The following CGGBP1 variants were observed in gnomAD, a reference collection of about 807,000 sequenced individuals.
CGGBP1 encodes CGG triplet repeat-binding protein 1.
Under a neutral mutation model 11.4 loss-of-function variants are expected in CGGBP1, and 4 were observed. That is an observed-to-expected ratio of 0.35 (90% confidence interval 0.17 to 0.80). CGGBP1 has a LOEUF of 0.80. Among genes scored for constraint, CGGBP1 ranks in the 30% least tolerant of loss-of-function variants. CGGBP1 has a pLI of 0.52. For synonymous variants in CGGBP1, 76 were observed against 74.1 expected (o/e 1.03, Z -0.13); for missense variants, 135 against 202.1 (o/e 0.67, Z 2.01).
chr3:88,057,564 T>C (rs1033834047), intron 2 of CGGBP1: 2 of 152,198 alleles, frequency 1.3e-5, no homozygotes. Context: ...TATAACCTAG[T>C]TGTGGTAAAT....
intron 2 of CGGBP1, among the ~76,000 whole-genome samples, chr3:88,077,723 AT>A (rs1344087836): frequency 6.6e-6 from 1 of 152,238 alleles, no homozygotes; most frequent in African/African-American, 2.4e-5. Flanking sequence ...ACAGAATGCA[AT>A]TTAACAGAAT....
At chr3:88,141,617 G>T (rs1707138244) in intron 1 of CGGBP1, 1 of 1,450,182 alleles carries the variant, frequency 6.9e-7, no homozygotes, top group Non-Finnish European at 9.3e-7. Flanking sequence ...AATAAAACTT[G>T]CATTAACAGA....
chr3:88,067,782 A>G (rs1707283636), intron 2 of CGGBP1, among the ~76,000 whole-genome samples: 1 of 152,122 alleles, frequency 6.6e-6, no homozygotes, highest in Non-Finnish European at 1.5e-5. Flanking sequence ...CAAGAGTGGG[A>G]GGTGAAGGAA....
At chr3:88,092,272 A>T (rs905482174) in intron 2 of CGGBP1, among the ~76,000 whole-genome samples, 4 of 152,218 alleles carry the variant, frequency 2.6e-5, no homozygotes, top group African/African-American at 9.6e-5. Flanking sequence ...TTGGTCATTT[A>T]TTCTGTAAAG....
At chr3:88,117,731 A>C (rs1705496745) in intron 2 of CGGBP1, among the ~76,000 whole-genome samples, 1 of 152,178 alleles carries the variant, frequency 6.6e-6, no homozygotes, top group Non-Finnish European at 1.5e-5. Context: ...CTAGGATCTC[A>C]GATTATGGTA....
intron 2 of CGGBP1, among the ~76,000 whole-genome samples, chr3:88,084,931 A>T (rs1171092991): frequency 6.6e-6 from 1 of 152,198 alleles, no homozygotes; most frequent in Non-Finnish European, 1.5e-5. Flanking sequence ...CTACAAGCAC[A>T]TCTGCCTGAC....
At chr3:88,111,102 G>A (rs1001648594) in intron 2 of CGGBP1, among the ~76,000 whole-genome samples, 2 of 151,974 alleles carry the variant, frequency 1.3e-5, no homozygotes, top group African/African-American at 2.4e-5. Flanking sequence ...TGGATTTTGA[G>A]TAAGTATGGA....
chr3:88,097,218 T>C lies in CGGBP1; in HGVS notation c.-228-38995A>G, dbSNP rs552886223. On this transcript the variant is annotated intron_variant, in intron 2 of 3. Coordinates refer to the CGGBP1 transcript ENST00000462901. ...TTAATTGCTAGATCAAAGAGTGTAA[T>C]TTATCACTTATCACACATTTATACA... Among the ~76,000 whole-genome samples, 88 of 152,126 alleles carry C rather than the reference T, an allele frequency of 5.8e-4. 1 individual carries two copies. The highest frequency in any genetic ancestry group is 4.4e-4 in the Non-Finnish European group (30 of 68,012).
intron 1 of CGGBP1, among the ~76,000 whole-genome samples, chr3:88,145,587 G>A (rs945085910): frequency 8.6e-5 from 13 of 152,014 alleles, no homozygotes; most frequent in Non-Finnish European, 1.8e-4. Context: ...TACTAAATAG[G>A]CTTCCAAGAT....
intron 2 of CGGBP1, among the ~76,000 whole-genome samples, chr3:88,123,127 G>T (rs1472365190): frequency 3.3e-5 from 5 of 152,050 alleles, no homozygotes; most frequent in Admixed American, 6.6e-5. Context: ...TCACTTCGAG[G>T]TTTTAAATTG....
rs909195013 is a variant in CGGBP1, at chr3:88,053,273, G to A, written c.*2200C>T. ...CTTTAGACACAGTTAACTAGCTTCA[G>A]GGAACAAAAGTTCCATAATCAATGA... On this transcript the variant is annotated 3_prime_UTR_variant, in exon 4 of 4. Coordinates refer to ENST00000482016, the MANE Select transcript of CGGBP1 (RefSeq NM_001008390.2). 6.6e-6 allele frequency: 1 copy of A among 151,958 alleles called. No homozygotes were observed. The highest frequency in any genetic ancestry group is 2.4e-5 in the African/African-American group (1 of 41,370). 9.4% of individuals were successfully genotyped at this position (151,958 alleles called of 1,614,324 possible). A position where few individuals can be genotyped will look rare whatever the true frequency, so the allele number is the denominator to read the frequency against.
intron 2 of CGGBP1, among the ~76,000 whole-genome samples, chr3:88,124,772 GT>G (rs11287888): frequency 0.78 from 114,589 of 147,048 alleles, 45,175 homozygotes; most frequent in South Asian, 0.9. Context: ...ACAATACTCA[GT>G]TTTTTTTTTT....
intron 1 of CGGBP1, among the ~76,000 whole-genome samples, chr3:88,148,788 C>G (rs1328401512): frequency 1.3e-5 from 2 of 152,058 alleles, no homozygotes; most frequent in Non-Finnish European, 2.9e-5. Context: ...TACAGGCGTC[C>G]GCCACCATGC....
intron 2 of CGGBP1, chr3:88,140,586 A>G: frequency 6.2e-7 from 1 of 1,613,788 alleles, no homozygotes; most frequent in South Asian, 1.1e-5. Context: ...TAATTGTAGT[A>G]GTAGTGATAT....
At chr3:88,086,753 A>T (rs890606508) in intron 2 of CGGBP1, among the ~76,000 whole-genome samples, 1 of 152,156 alleles carries the variant, frequency 6.6e-6, no homozygotes. Flanking sequence ...CAGGTCAGAA[A>T]GAGGTTAGGA....
intron 2 of CGGBP1, among the ~76,000 whole-genome samples, chr3:88,119,037 A>G (rs560703355): frequency 1.3e-5 from 2 of 149,806 alleles, no homozygotes; most frequent in African/African-American, 2.5e-5. Context: ...ATTACTGGGT[A>G]TATACCCAAA....
intron 1 of CGGBP1, among the ~76,000 whole-genome samples, chr3:88,144,872 A>C (rs1250065205): frequency 1.3e-5 from 2 of 152,010 alleles, no homozygotes; most frequent in East Asian, 1.9e-4. Flanking sequence ...TGGACATTTT[A>C]ACGAATGCCT....
chr3:88,137,194 CAAAAAAAAA>C (rs11401199), intron 2 of CGGBP1, among the ~76,000 whole-genome samples: 1 of 70,724 alleles, frequency 1.4e-5, no homozygotes, highest in Non-Finnish European at 2.3e-5. Context: ...GACTCTGTCT[CAAAAAAAAA>C]AAAAAAAAAA....
chr3:88,091,157 C>T (rs1178060692), intron 2 of CGGBP1, among the ~76,000 whole-genome samples: 1 of 152,154 alleles, frequency 6.6e-6, no homozygotes, highest in Admixed American at 6.5e-5. Context: ...GACAAAATCA[C>T]CTAATGATGC....
Sources: gnomAD v4.1 joint callset for allele counts (sites outside exome capture counted in the v4.1 genomes callset) on GRCh38, gnomAD v4.1.1 for gene constraint, MANE v1.5 for transcripts, NCBI Gene and HGNC (gene_info 2026-07-23, HGNC 2026-07-21) for gene names.